The following LETM1 variants were observed in gnomAD, a reference collection of about 807,000 sequenced individuals.
LETM1 encodes leucine zipper and EF-hand containing transmembrane protein 1.
LETM1 carries 50 observed loss-of-function variants against 74.5 expected under a neutral mutation model. That is an observed-to-expected ratio of 0.67 (90% confidence interval 0.53 to 0.85). The LOEUF (loss-of-function observed/expected upper bound fraction) is 0.85. Ranked by LOEUF, LETM1 falls within the 40% of genes least tolerant of loss-of-function variation. The pLI is 0.00. For synonymous variants in LETM1, 446 were observed against 407.1 expected (o/e 1.10, Z -1.15); for missense variants, 824 against 967.8 (o/e 0.85, Z 1.97).
chr4:1,814,813 C>T (rs1189150952), intron 13 of LETM1, among the ~76,000 whole-genome samples: 1 of 152,206 alleles, frequency 6.6e-6, no homozygotes, highest in Non-Finnish European at 1.5e-5. Context: ...AGGTGGCAGA[C>T]AGCACAATGG....
intron 7 of LETM1, among the ~76,000 whole-genome samples, chr4:1,824,705 A>G (rs532260008): frequency 6.6e-6 from 1 of 152,256 alleles, no homozygotes; most frequent in East Asian, 1.9e-4. Flanking sequence ...GGGCCTGGGC[A>G]GGGACAGCAC....
Position 1,814,139 on chromosome 4 carries a change from G to A in LETM1, c.*285C>T, listed in dbSNP as rs1233315643. 1.4e-5 allele frequency: 6 copies of A among 442,576 alleles called. No homozygotes were observed. The highest frequency in any genetic ancestry group is 6.7e-5 in the South Asian group (3 of 44,602). 27.4% of individuals were successfully genotyped at this position (442,576 alleles called of 1,614,324 possible). A position where few individuals can be genotyped will look rare whatever the true frequency, so the allele number is the denominator to read the frequency against. ...AGACTGAGGCCACACACATGGGGGC[G>A]CCTTCCTGCCTTGGCCCAGCCCAGC... is the stretch of plus-strand genomic sequence containing the variant. On this transcript the variant is annotated 3_prime_UTR_variant, in exon 14 of 14. Coordinates refer to ENST00000302787, the MANE Select transcript of LETM1 (RefSeq NM_012318.3).
intron 1 of LETM1, among the ~76,000 whole-genome samples, chr4:1,854,083 G>C (rs892573719): frequency 6.6e-6 from 1 of 152,178 alleles, no homozygotes. Flanking sequence ...ACAGCAACTG[G>C]AAAGACCACA....
chr4:1,819,569 C>T, intron 10 of LETM1, 97 bp from the exon 11 acceptor site: 2 of 1,378,638 alleles, frequency 1.5e-6, no homozygotes, highest in Non-Finnish European at 9.8e-7. Context: ...ATACGGGCAG[C>T]CCAGGGCAAG....
intron 6 of LETM1, among the ~76,000 whole-genome samples, chr4:1,827,667 A>T (rs1473822740): frequency 7.0e-6 from 1 of 142,078 alleles, no homozygotes; most frequent in Non-Finnish European, 1.5e-5. Flanking sequence ...GAACAAAATG[A>T]AAAGTCTCCC....
intron 2 of LETM1, 111 bp downstream of exon 2, chr4:1,849,038 G>C (rs756089227): frequency 4.0e-6 from 3 of 745,470 alleles, no homozygotes; most frequent in Middle Eastern, 2.3e-4. Flanking sequence ...CAAAGAACAG[G>C]AAAGTAGGAT....
At chr4:1,821,334 C>T (rs1464148924) in intron 10 of LETM1, among the ~76,000 whole-genome samples, 3 of 151,582 alleles carry the variant, frequency 2.0e-5, no homozygotes, top group Non-Finnish European at 2.9e-5. Flanking sequence ...CCCCGTGATC[C>T]GCCCACCTCG....
intron 13 of LETM1, 108 bp from the exon 14 acceptor site, chr4:1,814,681 G>T: frequency 1.1e-6 from 1 of 902,564 alleles, no homozygotes; most frequent in Non-Finnish European, 1.8e-6. Flanking sequence ...GCAGCAGCAT[G>T]CACGCAATCA....
chr4:1,855,709 CG>C (rs1159682437), intron 1 of LETM1, among the ~76,000 whole-genome samples, 159 bp downstream of exon 1: 1 of 152,092 alleles, frequency 6.6e-6, no homozygotes, highest in Non-Finnish European at 1.5e-5. Flanking sequence ...CGGCCCAGCC[CG>C]CGACGAGACC....
intron 3 of LETM1, among the ~76,000 whole-genome samples, chr4:1,840,055 T>C (rs1230678846): frequency 6.6e-6 from 1 of 152,216 alleles, no homozygotes; most frequent in African/African-American, 2.4e-5. Flanking sequence ...GTATACCTAC[T>C]ATGTACCCAC....
Position 1,841,465 on chromosome 4 carries a change from T to C in LETM1, c.476A>G (p.Asp159Gly). The C allele has an allele frequency of 6.2e-7, 1 of 1,614,234 alleles. No individual in the cohort carries two copies. Among genetic ancestry groups the C allele is most frequent in the Non-Finnish European group, 8.5e-7 (1 of 1,180,040 alleles). The part of the protein sequence containing the change: ...VKKSLGQRVL[D>G]ELKHYYHGFR... ...GCCATGGTAGTAGTGCTTCAGCTCG[T>C]CCAGCACCCGCTGCCCCAGGGACTT... Residue 159 changes from aspartate to glycine, a missense_variant, in exon 3 of 14, where the codon GAC becomes GGC. By Grantham distance (94) the Asp-to-Gly change is moderately conservative. Transcript: ENST00000302787.
chr4:1,833,142 G>T, intron 5 of LETM1, 195 bp from the exon 6 acceptor site: 1 of 579,678 alleles, frequency 1.7e-6, no homozygotes, highest in Non-Finnish European at 3.1e-6. Context: ...TGTAATCTCG[G>T]TTCACTGCAA....
chr4:1,852,338 T>C (rs997236830), intron 1 of LETM1, among the ~76,000 whole-genome samples: 1 of 152,302 alleles, frequency 6.6e-6, no homozygotes, highest in African/African-American at 2.4e-5. Context: ...CCAGACAGCA[T>C]GGCCAGGGAG....
chr4:1,848,059 A>C lies in LETM1; in HGVS notation c.143+1090T>G, dbSNP rs114763071. Among the ~76,000 whole-genome samples, 735 of 152,108 alleles carry C rather than the reference A, an allele frequency of 4.8e-3. 7 individuals are homozygous for C. Among genetic ancestry groups the C allele is most frequent in the African/African-American group, 0.017 (699 of 41,510 alleles). On this transcript the variant is annotated intron_variant, in intron 2 of 13. Transcript: ENST00000302787. ...TTAAGGAAAAAGACATAAGAAAACC[A>C]ATTTCTTTTCTCATCCAAAGTTATA...
chr4:1,832,653 G>C (rs777481092), intron 6 of LETM1, 91 bp downstream of exon 6: 8 of 1,275,162 alleles, frequency 6.3e-6, no homozygotes, highest in East Asian at 2.3e-5. Flanking sequence ...GCATCTTCCA[G>C]AGTTTCTACA....
rs11941291 is a variant in LETM1, at chr4:1,832,600, T to C, written c.1080+144A>G. ...ATCCATCTTCAAAGGATCTGCAATCTGCAAGTGGCAAGACTCCTAGTGAGC... is the reference window on the plus strand; with the variant it reads ...ATCCATCTTCAAAGGATCTGCAATCCGCAAGTGGCAAGACTCCTAGTGAGC... On this transcript the variant is annotated intron_variant, in intron 6 of 13. Transcript: ENST00000302787. The C allele has an allele frequency of 0.013, 9,317 of 700,174 alleles. 629 individuals are homozygous for C. In the African/African-American group the frequency reaches 0.15, roughly 11 times the overall value. The allele number at this position is 700,174 out of a possible 1,614,324, so 43.4% of individuals were successfully genotyped here.
At chr4:1,840,425 T>C (rs1712646091) in intron 3 of LETM1, among the ~76,000 whole-genome samples, 1 of 151,214 alleles carries the variant, frequency 6.6e-6, no homozygotes, top group South Asian at 2.1e-4. Flanking sequence ...CCCAGCACTT[T>C]GGGAGGCCGA....
rs1197159238 is a variant in LETM1, at chr4:1,855,986, C to T, written c.-36G>A. The T allele has an allele frequency of 8.6e-7, 1 of 1,164,738 alleles. No individual in the cohort carries two copies. The highest frequency in any genetic ancestry group is 1.1e-6 in the Non-Finnish European group (1 of 935,336). 72.2% of individuals were successfully genotyped at this position (1,164,738 alleles called of 1,614,324 possible). ...GCGGCGGCCGCTCCGGCCTCCTGCGCTGCCTCCTTCTCCGCGGCGGCCGCG... is the reference window on the plus strand; with the variant it reads ...GCGGCGGCCGCTCCGGCCTCCTGCGTTGCCTCCTTCTCCGCGGCGGCCGCG... On this transcript the variant is annotated 5_prime_UTR_variant, in exon 1 of 14. Coordinates refer to ENST00000302787, the MANE Select transcript of LETM1 (RefSeq NM_012318.3).
At chr4:1,842,078 A>G (rs1293417593) in intron 2 of LETM1, among the ~76,000 whole-genome samples, 1 of 151,902 alleles carries the variant, frequency 6.6e-6, no homozygotes, top group African/African-American at 2.4e-5. Context: ...CACAAACACA[A>G]TCAGCAAAGG....
Sources: allele counts gnomAD v4.1 joint callset (sites outside exome capture counted in the v4.1 genomes callset), GRCh38; gene constraint gnomAD v4.1.1; transcripts MANE v1.5; gene names NCBI Gene and HGNC (gene_info 2026-07-23, HGNC 2026-07-21).